Variants in PDE7A observed in about 807,000 individuals in gnomAD.
The protein encoded by PDE7A is phosphodiesterase 7A.
Under a neutral mutation model 64.3 loss-of-function variants are expected in PDE7A, and 39 were observed. The ratio of observed to expected loss-of-function variants is 0.61; its 90% CI spans 0.47 to 0.79. PDE7A has a LOEUF of 0.79. Among genes scored for constraint, PDE7A ranks in the 30% least tolerant of loss-of-function variants. The pLI, the probability that PDE7A is intolerant of heterozygous loss-of-function variation, is 0.00. For synonymous variants in PDE7A, 203 were observed against 206.8 expected, an observed-to-expected ratio of 0.98 and a Z score of 0.16; for missense variants, 470 against 582.8, an observed-to-expected ratio of 0.81 and a Z score of 1.99.
intron 1 of PDE7A, among the ~76,000 whole-genome samples, chr8:65,835,494 T>C (rs1423306247): frequency 1.3e-5 from 2 of 152,208 alleles, no homozygotes; most frequent in East Asian, 1.9e-4. Context: ...AACCTAAGTT[T>C]TGTCCACTCC....
chr8:65,755,193 A>T (rs1315081573), intron 3 of PDE7A, among the ~76,000 whole-genome samples: 1 of 151,024 alleles, frequency 6.6e-6, no homozygotes, highest in East Asian at 2.0e-4. Context: ...GCTAATTTTT[A>T]TATCTTTAGT....
chr8:65,739,717 T>G (rs1179842083), intron 5 of PDE7A, 120 bp from the exon 6 acceptor site: 4 of 1,093,294 alleles, frequency 3.7e-6, no homozygotes, highest in Admixed American at 9.1e-5. Flanking sequence ...CCACTTTTTG[T>G]CTATCAAAAA....
chr8:65,721,282 A>C (rs1291797493), intron 12 of PDE7A, among the ~76,000 whole-genome samples: 3 of 152,232 alleles, frequency 2.0e-5, no homozygotes, highest in African/African-American at 7.2e-5. Flanking sequence ...TTTCTTGTTC[A>C]ACAAAATTAG....
chr8:65,775,348 G>A (rs545147018), intron 3 of PDE7A, among the ~76,000 whole-genome samples: 1 of 152,054 alleles, frequency 6.6e-6, no homozygotes, highest in Non-Finnish European at 1.5e-5. Flanking sequence ...CTAATTTCTT[G>A]AGTTGGACTA....
At chr8:65,838,335 A>C (rs894689337) in intron 1 of PDE7A, 1 of 152,230 alleles carries the variant, frequency 6.6e-6, no homozygotes, top group Non-Finnish European at 1.5e-5. Context: ...CTTTAAACTC[A>C]GCTATCAACA....
At chr8:65,778,598 A>G (rs1024764356) in intron 3 of PDE7A, among the ~76,000 whole-genome samples, 6 of 152,194 alleles carry the variant, frequency 3.9e-5, no homozygotes, top group Non-Finnish European at 5.9e-5. Context: ...TTTTATGCCA[A>G]TAAGTTTTGG....
In PDE7A at chr8:65,726,329, TA is replaced by T. The variant is rs548797957; in HGVS notation, c.920+545del. ...TTATTAGGTTCTAAAATAGCCCATT[TA>T]TTTTTTTTTCCTAAAATATTAGGGT... is the stretch of plus-strand genomic sequence containing the variant. On this transcript the variant is annotated intron_variant, in intron 9 of 12. Coordinates refer to ENST00000401827, the MANE Select transcript of PDE7A (RefSeq NM_001242318.3). 5.3e-3 allele frequency among the ~76,000 whole-genome samples: 793 copies of T among 149,286 alleles called. 6 individuals carry two copies. The highest frequency in any genetic ancestry group is 0.018 in the African/African-American group (743 of 41,382).
rs549275878 is a variant in PDE7A at position 65,715,304 on chromosome 8, G to A, written c.*3986C>T. Among the ~76,000 whole-genome samples the A allele has an allele frequency of 5.9e-5, 9 of 152,056 alleles. No individual in the cohort carries two copies. The highest frequency in any genetic ancestry group is 2.1e-4 in the South Asian group (1 of 4,822). ...TAATCCCAGCACTTTGAGAGGCCAC[G>A]GTGGCAGGACTGCTTGAGCCCAAGA... On this transcript the variant is annotated 3_prime_UTR_variant, in exon 13 of 13. Coordinates refer to ENST00000401827, the MANE Select transcript of PDE7A (RefSeq NM_001242318.3).
intron 1 of PDE7A, among the ~76,000 whole-genome samples, chr8:65,834,629 T>G (rs1384553526): frequency 6.6e-6 from 1 of 152,210 alleles, no homozygotes; most frequent in African/African-American, 2.4e-5. Context: ...TTGCTGAAAT[T>G]TAGTTACCCA....
chr8:65,728,701 G>A (rs1398774661), intron 7 of PDE7A: 2 of 152,162 alleles, frequency 1.3e-5, no homozygotes, highest in Admixed American at 6.5e-5. Flanking sequence ...GGGCATGGGT[G>A]TCTATGTCTT....
chr8:65,797,188 A>G (rs1380981455), intron 1 of PDE7A, among the ~76,000 whole-genome samples: 3 of 152,180 alleles, frequency 2.0e-5, no homozygotes, highest in East Asian at 3.8e-4. Flanking sequence ...GTCCCCCCAA[A>G]AGATATGTCA....
At chr8:65,740,440 A>T (rs1397350788) in intron 5 of PDE7A, among the ~76,000 whole-genome samples, 4 of 151,876 alleles carry the variant, frequency 2.6e-5, no homozygotes, top group African/African-American at 9.7e-5. Flanking sequence ...CAGCACTGTC[A>T]CCTGGGCTGG....
At chr8:65,826,559 T>C (rs1308960643) in intron 1 of PDE7A, among the ~76,000 whole-genome samples, 2 of 152,192 alleles carry the variant, frequency 1.3e-5, no homozygotes, top group Non-Finnish European at 2.9e-5. Context: ...AAGCTGCTTT[T>C]TCTACTGAGT....
chr8:65,798,206 A>ATATATTTTTT, intron 1 of PDE7A, among the ~76,000 whole-genome samples: 2 of 73,834 alleles, frequency 2.7e-5, no homozygotes, highest in Non-Finnish European at 5.1e-5. Context: ...ATATATATAT[A>ATATATTTTTT]TTTTTTTTTT....
At chr8:65,809,447 C>G (rs548200767) in intron 1 of PDE7A, among the ~76,000 whole-genome samples, 1 of 152,070 alleles carries the variant, frequency 6.6e-6, no homozygotes, top group African/African-American at 2.4e-5. Context: ...TCAAAAAATC[C>G]AAGGATGTCA....
At chr8:65,753,669 C>T (rs1190683820) in intron 3 of PDE7A, among the ~76,000 whole-genome samples, 2 of 152,114 alleles carry the variant, frequency 1.3e-5, no homozygotes, top group Admixed American at 6.5e-5. Flanking sequence ...CTCAGGTGCT[C>T]GATTTCCTTA....
At chr8:65,835,747 G>A (rs1810935800) in intron 1 of PDE7A, among the ~76,000 whole-genome samples, 2 of 152,196 alleles carry the variant, frequency 1.3e-5, no homozygotes, top group Non-Finnish European at 2.9e-5. Context: ...AGACTTTGGT[G>A]TTTAAGAAGG....
At position 65,719,294 on chromosome 8, in the gene PDE7A, G is replaced by A; in HGVS notation, c.1445C>T (p.Ser482Leu). The change falls in exon 13 of 13, where the codon TCA becomes TTA. Residue 482 changes from serine (S) to leucine (L), a missense_variant. Transcript: ENST00000401827. ...TTGTCCCACTGGTTCTGGGGGTTAT[G>A]ATAACCGATTTTCCTGAGGTAATAA... is the stretch of plus-strand genomic sequence containing the variant. ...SQLLPQENRL[S>L] 1.9e-6 allele frequency: 3 copies of A among 1,611,804 alleles called. No homozygotes were observed. Among genetic ancestry groups the A allele is most frequent in the Non-Finnish European group, 2.5e-6 (3 of 1,177,874 alleles).
In PDE7A at chr8:65,717,021, AC is replaced by A. The variant is rs1236925994; in HGVS notation, c.*2268del. On this transcript the variant is annotated 3_prime_UTR_variant, in exon 13 of 13. Transcript: ENST00000401827. ...ATACACTGGATTTCAAAGACTTAGT[AC>A]CCCCCAAAAGAATGTAAAAACATCT... is the stretch of plus-strand genomic sequence containing the variant. Among the ~76,000 whole-genome samples, 1 of 152,192 alleles carries A rather than the reference AC, an allele frequency of 6.6e-6. No individual in the cohort carries two copies. The highest frequency in any genetic ancestry group is 1.9e-4 in the East Asian group (1 of 5,200).
Sources: gnomAD v4.1 joint callset for allele counts (sites outside exome capture counted in the v4.1 genomes callset) on GRCh38, gnomAD v4.1.1 for gene constraint, MANE v1.5 for transcripts, NCBI Gene and HGNC (gene_info 2026-07-23, HGNC 2026-07-21) for gene names.